The following PTGR1 variants were observed in gnomAD, a reference collection of about 807,000 sequenced individuals.
PTGR1 encodes the protein 15-oxoprostaglandin 13-reductase.
In PTGR1, 23 loss-of-function variants were observed where a neutral mutation model predicts 37.7. The ratio of observed to expected loss-of-function variants is 0.61; its 90% CI spans 0.44 to 0.86. The LOEUF is 0.86. Among genes scored for constraint, PTGR1 ranks in the 40% least tolerant of loss-of-function variants. PTGR1 has a pLI of 0.00. For missense variants in PTGR1, 351 were observed against 394.3 expected (o/e 0.89, Z 0.93); for synonymous variants, 134 against 140.0 (o/e 0.96, Z 0.30).
downstream of PTGR1, among the ~76,000 whole-genome samples, chr9:111,560,962 TATATATATATATAGAGAGAG>T (rs1369590441): frequency 8.7e-5 from 4 of 45,906 alleles, no homozygotes; most frequent in Admixed American, 5.4e-4. Context: ...TATATATATA[TATATATATATATAGAGAGAG>T]AGAGAGAGAG....
intron 4 of PTGR1, among the ~76,000 whole-genome samples, 196 bp from the exon 5 acceptor site, chr9:111,586,361 C>A (rs1233381423): frequency 1.3e-5 from 2 of 152,156 alleles, no homozygotes; most frequent in African/African-American, 2.4e-5. Context: ...ACTGGCCCAG[C>A]CACTTGAGGA....
intron 5 of PTGR1, among the ~76,000 whole-genome samples, chr9:111,585,609 C>T (rs1829405031): frequency 6.6e-6 from 1 of 152,180 alleles, no homozygotes; most frequent in South Asian, 2.1e-4. Flanking sequence ...CCTCCCGGCC[C>T]CTGATAACTA....
At chr9:111,598,133 G>A (rs1240498801) in intron 1 of PTGR1, among the ~76,000 whole-genome samples, 2 of 151,972 alleles carry the variant, frequency 1.3e-5, no homozygotes, top group Non-Finnish European at 1.5e-5. Context: ...TCAGCCATCG[G>A]GTGCGAATTT....
intron 9 of PTGR1, among the ~76,000 whole-genome samples, chr9:111,553,197 GAACA>G (rs1240360819): frequency 6.6e-6 from 1 of 152,058 alleles, no homozygotes. Flanking sequence ...CTTTTGAATA[GAACA>G]AACAGCTTTT....
intron 6 of PTGR1, among the ~76,000 whole-genome samples, chr9:111,579,931 A>G (rs986885196): frequency 3.9e-5 from 6 of 152,212 alleles, no homozygotes; most frequent in Non-Finnish European, 5.9e-5. Context: ...GAAGACCAGA[A>G]TATGTGCCAC....
Position 111,574,910 on chromosome 9 carries a change from C to T in PTGR1, c.652-68G>A, listed in dbSNP as rs1246399214. The T allele has an allele frequency of 1.2e-5, 15 of 1,269,826 alleles. No homozygotes were observed. The East Asian group carries it at 1.2e-4, about 10-fold the overall frequency. 78.7% of individuals were successfully genotyped at this position (1,269,826 alleles called of 1,614,324 possible). On this transcript the variant is annotated intron_variant, in intron 7 of 9. Transcript: ENST00000407693. Reference sequence around the variant, plus strand: ...TAGAGATTCAGGAGAATCATTAAGTCACAAGCATTATTTTACAATACCTGT... The same window carrying T: ...TAGAGATTCAGGAGAATCATTAAGTTACAAGCATTATTTTACAATACCTGT...
chr9:111,591,162 A>G (rs1829602357), intron 4 of PTGR1, among the ~76,000 whole-genome samples: 1 of 151,348 alleles, frequency 6.6e-6, no homozygotes, highest in Non-Finnish European at 1.5e-5. Context: ...GCGGTGGTGC[A>G]TGCCTGTAAT....
chr9:111,592,181 CTGAT>C (rs1829642753), intron 4 of PTGR1: 1 of 152,240 alleles, frequency 6.6e-6, no homozygotes, highest in Non-Finnish European at 1.5e-5. Flanking sequence ...TCTGGTCTAA[CTGAT>C]TGTCTAGCTT....
chr9:111,583,339 T>C, intron 6 of PTGR1, 133 bp downstream of exon 6: 1 of 725,152 alleles, frequency 1.4e-6, no homozygotes, highest in Non-Finnish European at 2.4e-6. Context: ...ATTCCTCCAA[T>C]TTCTCAATCT....
At chr9:111,572,405 A>G (rs1459572768) in intron 8 of PTGR1, among the ~76,000 whole-genome samples, 1 of 152,184 alleles carries the variant, frequency 6.6e-6, no homozygotes, top group East Asian at 1.9e-4. Context: ...CCATCCTAAC[A>G]CAGTGAAACC....
Position 111,589,285 on chromosome 9 carries a change from T to C in PTGR1, c.210-3120A>G, listed in dbSNP as rs371937871. The C allele has an allele frequency of 1.2e-4, 65 of 563,822 alleles. No homozygotes were observed. The African/African-American group carries it at 1.2e-3, about 11-fold the overall frequency. 34.9% of individuals were successfully genotyped at this position (563,822 alleles called of 1,614,324 possible). ...ATACCTTGTGTTTGGAGAGAGAAAT[T>C]GTAAAGATGTCAGTTTCCTCTAAAT... On this transcript the variant is annotated intron_variant, in intron 4 of 9. Transcript: ENST00000407693.
rs531664551 is a variant in PTGR1 at position 111,573,414 on chromosome 9, C to T, written c.760+1320G>A. On this transcript the variant is annotated intron_variant, in intron 8 of 9. Coordinates refer to ENST00000407693, the MANE Select transcript of PTGR1 (RefSeq NM_001146108.2). ...TGTCAGCCCCTTCCTTTCTAGCCCC[C>T]CCATCTCCATACAGTTGTGTGGTGG... Among the ~76,000 whole-genome samples the T allele has an allele frequency of 9.8e-5, 15 of 152,306 alleles. No homozygotes were observed. The South Asian group carries it at 3.1e-3, about 32-fold the overall frequency.
Position 111,562,971 on chromosome 9 carries a change from A to G in PTGR1, c.*150T>C. Reference sequence around the variant, plus strand: ...ACTTCCATCCTCCATCACTAATTACATACCACTTAAATGTATTTTATTAAG... The same window carrying G: ...ACTTCCATCCTCCATCACTAATTACGTACCACTTAAATGTATTTTATTAAG... On this transcript the variant is annotated 3_prime_UTR_variant, in exon 10 of 10. Transcript: ENST00000407693. 1.4e-6 allele frequency: 2 copies of G among 1,412,270 alleles called. No individual in the cohort carries two copies. The highest frequency in any genetic ancestry group is 1.8e-6 in the Non-Finnish European group (2 of 1,086,240). 87.5% of individuals were successfully genotyped at this position (1,412,270 alleles called of 1,614,324 possible).
chr9:111,578,989 A>G (rs746956150), intron 6 of PTGR1, 38 bp from the exon 7 acceptor site: 2 of 1,556,614 alleles, frequency 1.3e-6, no homozygotes, highest in Admixed American at 4.3e-5. Flanking sequence ...ACCATGAATA[A>G]GTCACAAGCA....
downstream of PTGR1, among the ~76,000 whole-genome samples, chr9:111,559,782 C>G (rs1013871922): frequency 1.3e-5 from 2 of 152,164 alleles, no homozygotes; most frequent in African/African-American, 4.8e-5. Flanking sequence ...TTGCTTGGCT[C>G]CTTCTAATGT....
At chr9:111,581,654 T>C (rs961811530) in intron 6 of PTGR1, among the ~76,000 whole-genome samples, 7 of 152,166 alleles carry the variant, frequency 4.6e-5, no homozygotes, top group African/African-American at 1.7e-4. Flanking sequence ...TTTTTTAATT[T>C]AGAGACAAGG....
chr9:111,552,144 TTTGA>T (rs1445243462), intron 9 of PTGR1, among the ~76,000 whole-genome samples: 5 of 152,248 alleles, frequency 3.3e-5, no homozygotes, highest in African/African-American at 1.2e-4. Flanking sequence ...ACTTTTTGTC[TTTGA>T]TTGAATATTT....
intron 6 of PTGR1, among the ~76,000 whole-genome samples, chr9:111,579,813 A>G (rs1192649088): frequency 6.6e-6 from 1 of 152,200 alleles, no homozygotes; most frequent in Non-Finnish European, 1.5e-5. Context: ...CTAATCACAG[A>G]GGAGCTAGGA....
At chr9:111,552,282 T>G (rs1338309256) in intron 9 of PTGR1, among the ~76,000 whole-genome samples, 1 of 151,006 alleles carries the variant, frequency 6.6e-6, no homozygotes, top group African/African-American at 2.4e-5. Context: ...ATTAGATACA[T>G]TGTCTTTTTT....
Sources: allele counts gnomAD v4.1 joint callset (sites outside exome capture counted in the v4.1 genomes callset), GRCh38; gene constraint gnomAD v4.1.1; transcripts MANE v1.5; gene names NCBI Gene and HGNC (gene_info 2026-07-23, HGNC 2026-07-21).